SYNGR2: variants seen among roughly 807,000 people sequenced by gnomAD.
The protein encoded by SYNGR2 is synaptogyrin 2, also known as synaptogyrin-2.
SYNGR2 carries 11 observed loss-of-function variants against 18.7 expected under a neutral mutation model. The ratio of observed to expected loss-of-function variants is 0.59; its 90% CI spans 0.37 to 0.97. The LOEUF (loss-of-function observed/expected upper bound fraction) is 0.97. Among genes scored for constraint, SYNGR2 ranks in the 50% least tolerant of loss-of-function variants. SYNGR2 has a pLI of 0.01. For missense variants in SYNGR2, 253 were observed against 300.7 expected (o/e 0.84, Z 1.17); for synonymous variants, 127 against 131.0 (o/e 0.97, Z 0.21).
chr17:78,172,312 G>T lies in SYNGR2; in HGVS notation c.*376G>T, dbSNP rs1386080146. 1.9e-5 allele frequency: 9 copies of T among 464,746 alleles called. No homozygotes were observed. Among genetic ancestry groups the T allele is most frequent in the African/African-American group, 1.5e-4 (8 of 51,766 alleles). 28.8% of individuals were successfully genotyped at this position (464,746 alleles called of 1,614,324 possible). A position where few individuals can be genotyped will look rare whatever the true frequency, so the allele number is the denominator to read the frequency against. On this transcript the variant is annotated 3_prime_UTR_variant, in exon 4 of 4. Transcript: ENST00000225777. ...CAGGCCGTGGGAGCCGCTATTATCT[G>T]CGTTCTCTGCCAAAGACTCGTGGGG...
At position 78,171,386 on chromosome 17, in the gene SYNGR2, C is replaced by A. The variant is rs1567827160; in HGVS notation, c.338-124C>A. On this transcript the variant is annotated intron_variant, in intron 2 of 3. Transcript: ENST00000225777. The surrounding 1 kb of genome is among the most constrained non-coding windows in gnomAD (Gnocchi z 6.6). ...GTGGCTCCCGGCCCGGCTTCCAAGTCCTCCCCTCCATAGTGTGGAGGCTCC... is the reference window on the plus strand; with the variant it reads ...GTGGCTCCCGGCCCGGCTTCCAAGTACTCCCCTCCATAGTGTGGAGGCTCC... 7.9e-7 allele frequency: 1 copy of A among 1,258,952 alleles called. No individual in the cohort carries two copies. The highest frequency in any genetic ancestry group is 1.1e-6 in the Non-Finnish European group (1 of 920,446). 78.0% of individuals were successfully genotyped at this position (1,258,952 alleles called of 1,614,324 possible). A position where few individuals can be genotyped will look rare whatever the true frequency, so the allele number is the denominator to read the frequency against.
chr17:78,171,682 G>C lies in SYNGR2; in HGVS notation c.477+33G>C. ...GGCCAGGGGCCGGTTCTTGGGTCAA[G>C]GGTGGTGGAGGGTGGGGTCCCCCAC... On this transcript the variant is annotated intron_variant, in intron 3 of 3. Coordinates refer to ENST00000225777, the MANE Select transcript of SYNGR2 (RefSeq NM_004710.7). This position sits in a 1 kb window ranked among gnomAD's most constrained non-coding sequence, Gnocchi z 6.6. The C allele has an allele frequency of 6.2e-7, 1 of 1,611,820 alleles. No homozygotes were observed. Among genetic ancestry groups the C allele is most frequent in the Non-Finnish European group, 8.5e-7 (1 of 1,178,350 alleles).
At position 78,171,788 on chromosome 17, in the gene SYNGR2, A is replaced by C. The variant is rs752883949; in HGVS notation, c.527A>C (p.Asp176Ala). Residue 176 changes from aspartate to alanine, a missense_variant, in exon 4 of 4, where the codon GAC becomes GCC. By Grantham distance (126) the Asp-to-Ala change is moderately radical. Transcript: ENST00000225777. This position sits in a 1 kb window ranked among gnomAD's most constrained non-coding sequence, Gnocchi z 6.6. The part of the protein sequence containing the change: ...AYQRYKAGVD[D>A]FIQNYVDPTP... ...CAGCGCTACAAGGCTGGCGTGGACGACTTCATCCAGAATTACGTTGACCCC... is the reference window on the plus strand; with the variant it reads ...CAGCGCTACAAGGCTGGCGTGGACGCCTTCATCCAGAATTACGTTGACCCC... 7 of 1,613,976 alleles carry C rather than the reference A, an allele frequency of 4.3e-6. No individual in the cohort carries two copies. The South Asian group carries it at 7.7e-5, about 18-fold the overall frequency.
intron 1 of SYNGR2, 57 bp downstream of exon 1, chr17:78,168,772 G>T: frequency 8.5e-7 from 1 of 1,171,386 alleles, no homozygotes; most frequent in South Asian, 4.3e-5. Flanking sequence ...CCGTCGCCAG[G>T]CCCGGCGGGG....
Position 78,172,110 on chromosome 17 carries a change from T to C in SYNGR2, c.*174T>C, listed in dbSNP as rs1009199477. 10 of 1,431,782 alleles carry C rather than the reference T, an allele frequency of 7.0e-6. No individual in the cohort carries two copies. In the African/African-American group the frequency reaches 1.1e-4, roughly 16 times the overall value. 88.7% of individuals were successfully genotyped at this position (1,431,782 alleles called of 1,614,324 possible). ...GGGGCTGGCAGAGCCACACCCCAAG[T>C]GCCTGTGCCCAGAGGGCTTCAGTCA... On this transcript the variant is annotated 3_prime_UTR_variant, in exon 4 of 4. Coordinates refer to ENST00000225777, the MANE Select transcript of SYNGR2 (RefSeq NM_004710.7).
chr17:78,171,584 G>T lies in SYNGR2; in HGVS notation c.412G>T (p.Val138Leu). Reference sequence around the variant, plus strand: ...GTGGGCAGTCACCAACCCGAAGGACGTGCTGGTGGGGGCCGACTCTGTGAG... The same window carrying T: ...GTGGGCAGTCACCAACCCGAAGGACTTGCTGGTGGGGGCCGACTCTGTGAG... The part of the protein sequence containing the change: ...NQWAVTNPKD[V>L]LVGADSVRAA... The change falls in exon 3 of 4, where the codon GTG (valine) becomes TTG (leucine). Residue 138 changes from valine (V) to leucine (L), a missense_variant. Coordinates refer to ENST00000225777, the MANE Select transcript of SYNGR2 (RefSeq NM_004710.7). The surrounding 1 kb of genome is among the most constrained non-coding windows in gnomAD (Gnocchi z 6.6). The T allele has an allele frequency of 6.4e-7, 1 of 1,552,280 alleles. No homozygotes were observed. The highest frequency in any genetic ancestry group is 8.7e-7 in the Non-Finnish European group (1 of 1,147,522).
chr17:78,168,814 G>GGCC, intron 1 of SYNGR2, 99 bp downstream of exon 1: 1 of 1,043,614 alleles, frequency 9.6e-7, no homozygotes, highest in Non-Finnish European at 1.2e-6. Flanking sequence ...AGGTGGCGGC[G>GGCC]GCCGCGTCCG....
chr17:78,169,517 G>T (rs1239734407), intron 1 of SYNGR2, among the ~76,000 whole-genome samples: 2 of 152,168 alleles, frequency 1.3e-5, no homozygotes, highest in Non-Finnish European at 2.9e-5. Flanking sequence ...TCCTGGATGG[G>T]CACCCTGCTC....
chr17:78,168,874 C>T (rs962965896), intron 1 of SYNGR2, among the ~76,000 whole-genome samples, 159 bp downstream of exon 1: 1 of 152,020 alleles, frequency 6.6e-6, no homozygotes, highest in Non-Finnish European at 1.5e-5. Context: ...GCCCCGCCTT[C>T]CCGCCCTCCA....
In SYNGR2 at chr17:78,171,741, T is replaced by A; in HGVS notation, c.480T>A (p.Gly160=). The change falls in exon 4 of 4, where the codon GGT becomes GGA. Residue 160 remains glycine (G), a splice_region_variant and synonymous_variant. Transcript: ENST00000225777. This position sits in a 1 kb window ranked among gnomAD's most constrained non-coding sequence, Gnocchi z 6.6. The part of the protein sequence containing the change: ...TFSFFSIFSW[G]VLASLAYQRY... ...ACCCTGCTGTGCTCCCCCTGCAGGGTGTGCTGGCCTCCCTGGCCTACCAGC... is the reference window on the plus strand; with the variant it reads ...ACCCTGCTGTGCTCCCCCTGCAGGGAGTGCTGGCCTCCCTGGCCTACCAGC... 6.2e-7 allele frequency: 1 copy of A among 1,613,834 alleles called. No individual in the cohort carries two copies. The highest frequency in any genetic ancestry group is 8.5e-7 in the Non-Finnish European group (1 of 1,179,922).
chr17:78,172,061 G>A lies in SYNGR2; in HGVS notation c.*125G>A. Reference sequence around the variant, plus strand: ...TTCCATCCTGTGCAGCTGACACACAGCTAAGGAGCCTCATAGCCTGGCGGG... The same window carrying A: ...TTCCATCCTGTGCAGCTGACACACAACTAAGGAGCCTCATAGCCTGGCGGG... On this transcript the variant is annotated 3_prime_UTR_variant, in exon 4 of 4. Coordinates refer to ENST00000225777, the MANE Select transcript of SYNGR2 (RefSeq NM_004710.7). 1 of 1,521,748 alleles carries A rather than the reference G, an allele frequency of 6.6e-7. No homozygotes were observed. The highest frequency in any genetic ancestry group is 8.8e-7 in the Non-Finnish European group (1 of 1,138,024). The allele number at this position is 1,521,748 out of a possible 1,614,324, so 94.3% of individuals were successfully genotyped here. A position where few individuals can be genotyped will look rare whatever the true frequency, so the allele number is the denominator to read the frequency against.
chr17:78,170,744 A>G, intron 1 of SYNGR2, 73 bp from the exon 2 acceptor site: 1 of 1,311,496 alleles, frequency 7.6e-7, no homozygotes, highest in Non-Finnish European at 1.1e-6. Context: ...GCATCTGTAC[A>G]CCCCATCAGG....
rs1475172412 is a variant in SYNGR2, at chr17:78,171,990, C to A, written c.*54C>A. ...AGAGGGCCCTCCCCTCTGCCCTGGACTTTCCCATGAGCCTCCTGGAACTGC... is the reference window on the plus strand; with the variant it reads ...AGAGGGCCCTCCCCTCTGCCCTGGAATTTCCCATGAGCCTCCTGGAACTGC... On this transcript the variant is annotated 3_prime_UTR_variant, in exon 4 of 4. Transcript: ENST00000225777. The surrounding 1 kb of genome is among the most constrained non-coding windows in gnomAD (Gnocchi z 6.6). 2 of 1,604,296 alleles carry A rather than the reference C, an allele frequency of 1.2e-6. No individual in the cohort carries two copies.
intron 1 of SYNGR2, chr17:78,169,266 GT>G (rs66816432): frequency 0.46 from 52,953 of 115,430 alleles, 12,294 homozygotes; most frequent in South Asian, 0.57. Flanking sequence ...TTGTGTGTGT[GT>G]GTGTGTGGCG....
Position 78,170,995 on chromosome 17 carries a change from C to T in SYNGR2, c.278C>T (p.Pro93Leu). The change falls in exon 2 of 4, where the codon CCC becomes CTC. Residue 93 changes from proline to leucine, a missense_variant. Pro to Leu is a moderately conservative substitution (Grantham distance 98, BLOSUM62 -3). Coordinates refer to ENST00000225777, the MANE Select transcript of SYNGR2 (RefSeq NM_004710.7). ...AFFLVVDAYF[P>L]QISNATDRKY... ...TTCTTGGTGGTCGACGCGTATTTCCCCCAGATCAGCAACGCCACTGACCGC... is the reference window on the plus strand; with the variant it reads ...TTCTTGGTGGTCGACGCGTATTTCCTCCAGATCAGCAACGCCACTGACCGC... The T allele has an allele frequency of 6.3e-7, 1 of 1,596,436 alleles. No individual in the cohort carries two copies. Among genetic ancestry groups the T allele is most frequent in the Non-Finnish European group, 8.5e-7 (1 of 1,172,312 alleles).
At chr17:78,168,776 G>A (rs1168239356) in intron 1 of SYNGR2, 61 bp downstream of exon 1, 2 of 1,169,826 alleles carry the variant, frequency 1.7e-6, no homozygotes, top group Admixed American at 4.6e-5. Flanking sequence ...CGCCAGGCCC[G>A]GCGGGGCCCC....
In SYNGR2 at chr17:78,171,816, T is replaced by C; in HGVS notation, c.555T>C (p.Thr185=). 6.2e-7 allele frequency: 1 copy of C among 1,613,992 alleles called. No individual in the cohort carries two copies. Among genetic ancestry groups the C allele is most frequent in the Non-Finnish European group, 8.5e-7 (1 of 1,179,974 alleles). The change falls in exon 4 of 4, where the codon ACT becomes ACC. Residue 185 remains threonine, a synonymous_variant. Transcript: ENST00000225777. The surrounding 1 kb of genome is among the most constrained non-coding windows in gnomAD (Gnocchi z 6.6). ...DDFIQNYVDP[T]PDPNTAYASY... is the part of the protein sequence containing the mutation. ...TCATCCAGAATTACGTTGACCCCACTCCGGACCCCAACACTGCCTACGCCT... is the reference window on the plus strand; with the variant it reads ...TCATCCAGAATTACGTTGACCCCACCCCGGACCCCAACACTGCCTACGCCT...
intron 1 of SYNGR2, chr17:78,169,780 A>G (rs2075646070): frequency 2.0e-5 from 3 of 152,384 alleles, no homozygotes; most frequent in African/African-American, 4.8e-5. Context: ...GCTCCCCTAC[A>G]TCCACCCTGG....
Position 78,168,674 on chromosome 17 carries a change from T to C in SYNGR2, c.58T>C (p.Phe20Leu). 8.3e-7 allele frequency: 1 copy of C among 1,203,962 alleles called. No individual in the cohort carries two copies. Among genetic ancestry groups the C allele is most frequent in the Non-Finnish European group, 1.0e-6 (1 of 969,930 alleles). The allele number at this position is 1,203,962 out of a possible 1,614,324, so 74.6% of individuals were successfully genotyped here. A position where few individuals can be genotyped will look rare whatever the true frequency, so the allele number is the denominator to read the frequency against. Residue 20 changes from phenylalanine to leucine, a missense_variant, in exon 1 of 4, where the codon TTC (phenylalanine) becomes CTC (leucine). Transcript: ENST00000225777. ...GGGCGGCTCCTTCGACCTGCGGCGC[T>C]TCCTGACGCAGCCGCAGGTGGTGGC... is the stretch of plus-strand genomic sequence containing the variant. ...KAGGSFDLRRFLTQPQVVARA... is the reference protein window; with the variant it reads ...KAGGSFDLRRLLTQPQVVARA...
Sources: allele counts gnomAD v4.1 joint callset (sites outside exome capture counted in the v4.1 genomes callset), GRCh38; gene constraint gnomAD v4.1.1; non-coding constraint Gnocchi (gnomAD v3.1); transcripts MANE v1.5; gene names NCBI Gene and HGNC (gene_info 2026-07-23, HGNC 2026-07-21).